The following CNBP variants were observed in gnomAD, a reference collection of about 807,000 sequenced individuals.
CNBP encodes the protein CCHC-type zinc finger nucleic acid binding protein.
In CNBP, 6 loss-of-function variants were observed where a neutral mutation model predicts 21.2. The ratio of observed to expected loss-of-function variants is 0.28; its 90% CI spans 0.16 to 0.56. The LOEUF (loss-of-function observed/expected upper bound fraction) is 0.56. Among genes scored for constraint, CNBP ranks in the 20% least tolerant of loss-of-function variants. The probability of loss-of-function intolerance (pLI) is 0.93; values close to 1 mark genes in which losing one functional copy is unlikely to be tolerated. For missense variants in CNBP, 112 were observed against 233.1 expected (o/e 0.48, Z 3.38); for synonymous variants, 61 against 74.9 (o/e 0.81, Z 0.96).
chr3:129,179,985 G>A (rs182841182), intron 1 of CNBP, among the ~76,000 whole-genome samples: 5 of 151,654 alleles, frequency 3.3e-5, no homozygotes, highest in South Asian at 4.1e-4. Context: ...CCGCCTGGGC[G>A]ACAGAGCAAG....
At chr3:129,182,219 A>C (rs1938348194) in intron 1 of CNBP, among the ~76,000 whole-genome samples, 1 of 152,228 alleles carries the variant, frequency 6.6e-6, no homozygotes, top group Non-Finnish European at 1.5e-5. Flanking sequence ...GAAAGGGGGA[A>C]AAATCTACTT....
chr3:129,182,036 G>A (rs1485888798), intron 1 of CNBP, among the ~76,000 whole-genome samples: 2 of 152,042 alleles, frequency 1.3e-5, no homozygotes, highest in Non-Finnish European at 2.9e-5. Context: ...TTTAGGAGGG[G>A]GGAGGGGGAA....
chr3:129,172,695 GACACAC>G (rs1553787467), intron 1 of CNBP, among the ~76,000 whole-genome samples: 182 of 78,868 alleles, frequency 2.3e-3, no homozygotes, highest in Admixed American at 6.0e-3. Context: ...CAGACAGACA[GACACAC>G]ACACACACAC....
chr3:129,181,262 A>AAAAAAAAAAAAAAAAAAAAAAAAAAG (rs1938271666), intron 1 of CNBP, among the ~76,000 whole-genome samples: 1 of 114,878 alleles, frequency 8.7e-6, no homozygotes, highest in Admixed American at 9.1e-5. Context: ...AAAAAAAAAA[A>AAAAAAAAAAAAAAAAAAAAAAAAAAG]AAAAGACAAG....
In CNBP at chr3:129,177,086, T is replaced by C. The variant is rs188010100; in HGVS notation, c.-14-5315A>G. On this transcript the variant is annotated intron_variant, in intron 1 of 4. Transcript: ENST00000422453. ...TGTTAGTCCAAGAATTCATAATCAATTGGATTTCAGTACTATTTTATGCAA... is the reference window on the plus strand; with the variant it reads ...TGTTAGTCCAAGAATTCATAATCAACTGGATTTCAGTACTATTTTATGCAA... 5.3e-5 allele frequency among the ~76,000 whole-genome samples: 8 copies of C among 152,322 alleles called. No individual in the cohort carries two copies. In the South Asian group the frequency reaches 1.0e-3, roughly 20 times the overall value.
Position 129,170,465 on chromosome 3 carries a change from C to T in CNBP, c.522G>A (p.Glu174=). 1 of 1,613,610 alleles carries T rather than the reference C, an allele frequency of 6.2e-7. No homozygotes were observed. The highest frequency in any genetic ancestry group is 1.7e-5 in the Admixed American group (1 of 60,000). The change falls in exon 5 of 5, where the codon GAG becomes GAA. Residue 174 remains glutamate (E), a synonymous_variant. Coordinates refer to ENST00000422453, the MANE Select transcript of CNBP (RefSeq NM_003418.5). ...CAAAGGAAAATAATTAGGCTGTAGC[C>T]TCAATTGTGCATTCCCGTGCAAGGT... ...SGHLARECTI[E]ATA
Position 129,169,015 on chromosome 3 carries a change from T to C in CNBP, c.*1438A>G, listed in dbSNP as rs949884002. Among the ~76,000 whole-genome samples the C allele has an allele frequency of 1.3e-5, 2 of 150,530 alleles. No homozygotes were observed. The highest frequency in any genetic ancestry group is 4.9e-5 in the African/African-American group (2 of 40,838). ...TACTCAGGAGGCTGAGGCAGGAGAA[T>C]GGCACGAACCCAGGAGGCGGAGCTT... is the stretch of plus-strand genomic sequence containing the variant. On this transcript the variant is annotated 3_prime_UTR_variant, in exon 5 of 5. Transcript: ENST00000422453.
chr3:129,170,869 A>G (rs1937555303), intron 4 of CNBP, among the ~76,000 whole-genome samples: 1 of 152,220 alleles, frequency 6.6e-6, no homozygotes, highest in South Asian at 2.1e-4. Flanking sequence ...CCAGTTGTGA[A>G]AACTGCCCAG....
chr3:129,175,781 TAATA>T (rs1937861720), intron 1 of CNBP, among the ~76,000 whole-genome samples: 3 of 152,346 alleles, frequency 2.0e-5, no homozygotes, highest in Middle Eastern at 3.4e-3. Flanking sequence ...AAATTAATGC[TAATA>T]AAGAAAACAC....
At chr3:129,181,880 T>C (rs1480798176) in intron 1 of CNBP, among the ~76,000 whole-genome samples, 1 of 152,094 alleles carries the variant, frequency 6.6e-6, no homozygotes, top group Non-Finnish European at 1.5e-5. Context: ...AATAAATTAT[T>C]CCTTTTATAT....
Position 129,183,834 on chromosome 3 carries a change from G to C in CNBP, c.-73C>G, listed in dbSNP as rs151172652. On this transcript the variant is annotated 5_prime_UTR_variant, in exon 1 of 5. Transcript: ENST00000422453. ...ACTCGGACGCAGGCCTGGGGAAGAC[G>C]GCTCGCAAGGTAGAGGCTGTTTATT... 6.5e-6 allele frequency: 1 copy of C among 152,980 alleles called. No homozygotes were observed. Among genetic ancestry groups the C allele is most frequent in the African/African-American group, 2.4e-5 (1 of 41,596 alleles). The allele number at this position is 152,980 out of a possible 1,614,324, so 9.5% of individuals were successfully genotyped here.
At chr3:129,179,260 A>C (rs1938129139) in intron 1 of CNBP, among the ~76,000 whole-genome samples, 1 of 151,956 alleles carries the variant, frequency 6.6e-6, no homozygotes, top group South Asian at 2.1e-4. Flanking sequence ...CTGGGCAACA[A>C]GAGCGAAACT....
chr3:129,174,036 T>C (rs745491564), intron 1 of CNBP, among the ~76,000 whole-genome samples: 3 of 152,052 alleles, frequency 2.0e-5, no homozygotes, highest in African/African-American at 7.2e-5. Flanking sequence ...CAAAAGAAAA[T>C]AACACAATAC....
chr3:129,175,794 A>G (rs1235579121), intron 1 of CNBP, among the ~76,000 whole-genome samples: 1 of 152,216 alleles, frequency 6.6e-6, no homozygotes, highest in Non-Finnish European at 1.5e-5. Flanking sequence ...TAAAGAAAAC[A>G]CTAAGTCTTA....
intron 1 of CNBP, among the ~76,000 whole-genome samples, chr3:129,173,244 A>G (rs1010384117): frequency 6.6e-6 from 1 of 152,206 alleles, no homozygotes; most frequent in Non-Finnish European, 1.5e-5. Flanking sequence ...AAGTAATCTA[A>G]AGATGATTTT....
At chr3:129,181,656 A>AAAAAAAAAAAAAAAG (rs1400385894) in intron 1 of CNBP, among the ~76,000 whole-genome samples, 3 of 133,398 alleles carry the variant, frequency 2.2e-5, no homozygotes, top group African/African-American at 3.8e-5. Context: ...TCTCAGAAAA[A>AAAAAAAAAAAAAAAG]AAAAAAGAAA....
At chr3:129,174,575 T>A (rs1937766464) in intron 1 of CNBP, among the ~76,000 whole-genome samples, 1 of 147,894 alleles carries the variant, frequency 6.8e-6, no homozygotes, top group African/African-American at 2.5e-5. Flanking sequence ...GGAGGCAGGA[T>A]AATCTCTTGA....
At chr3:129,171,821 C>T in intron 1 of CNBP, 50 bp from the exon 2 acceptor site, 1 of 1,548,136 alleles carries the variant, frequency 6.5e-7, no homozygotes, top group Non-Finnish European at 8.8e-7. Context: ...GTTCTTTTAA[C>T]TTTTATTCTC....
At chr3:129,174,349 TAAAA>T (rs56752888) in intron 1 of CNBP, among the ~76,000 whole-genome samples, 3 of 63,150 alleles carry the variant, frequency 4.8e-5, no homozygotes, top group African/African-American at 7.1e-5. Context: ...GAGTCAGAAT[TAAAA>T]AAAAAAAAAA....
Sources: allele counts gnomAD v4.1 joint callset (sites outside exome capture counted in the v4.1 genomes callset), GRCh38; gene constraint gnomAD v4.1.1; transcripts MANE v1.5; gene names NCBI Gene and HGNC (gene_info 2026-07-23, HGNC 2026-07-21).